The following ZNF423 variants were observed in gnomAD, a reference collection of about 807,000 sequenced individuals.
The protein encoded by ZNF423 is Ebf-associated zinc finger protein.
Under a neutral mutation model 95.8 loss-of-function variants are expected in ZNF423, and 12 were observed. The observed-to-expected ratio is 0.13, with a 90% CI of 0.08 to 0.20. The LOEUF (loss-of-function observed/expected upper bound fraction) is 0.20. Among genes scored for constraint, ZNF423 ranks in the 10% least tolerant of loss-of-function variants. The probability of loss-of-function intolerance (pLI) is 1.00; values close to 1 mark genes in which losing one functional copy is unlikely to be tolerated. For synonymous variants in ZNF423, 749 were observed against 711.9 expected (o/e 1.05, Z -0.83); for missense variants, 1,316 against 1,737.1 (o/e 0.76, Z 4.31).
intron 2 of ZNF423, among the ~76,000 whole-genome samples, chr16:49,778,272 C>A (rs1428438268): frequency 6.6e-6 from 1 of 152,210 alleles, no homozygotes; most frequent in Non-Finnish European, 1.5e-5. Flanking sequence ...ATGACAGCAG[C>A]CTAACCCCTG....
intron 1 of ZNF423, among the ~76,000 whole-genome samples, chr16:49,800,089 C>T (rs1505111): frequency 0.069 from 10,449 of 152,114 alleles, 401 homozygotes; most frequent in South Asian, 0.12. Flanking sequence ...ACAAAAAATG[C>T]AAAAATTAGC....
At position 49,785,668 on chromosome 16, in the gene ZNF423, C is replaced by A. The variant is rs1686258921; in HGVS notation, c.100+3819G>T. 3.3e-5 allele frequency among the ~76,000 whole-genome samples: 5 copies of A among 152,210 alleles called. No homozygotes were observed. The South Asian group carries it at 1.0e-3, about 31-fold the overall frequency. On this transcript the variant is annotated intron_variant, in intron 2 of 7. Transcript: ENST00000563137. ...AGAATTCTGGCAATTCATGGCCCAG[C>A]CAGCAGGAGCTGAGGGCCAGCCATC...
chr16:49,823,981 G>C (rs1311726922), intron 1 of ZNF423, among the ~76,000 whole-genome samples: 2 of 152,130 alleles, frequency 1.3e-5, no homozygotes, highest in African/African-American at 4.8e-5. Flanking sequence ...TGCTCAGGAG[G>C]CTGTGGGAAG....
At chr16:49,856,917 A>C (rs1227385745), upstream of ZNF423, among the ~76,000 whole-genome samples, 1 of 144,898 alleles carries the variant, frequency 6.9e-6, no homozygotes, top group Non-Finnish European at 1.5e-5. Flanking sequence ...GAGGACGAGC[A>C]GGCGGCGGCG....
In ZNF423 at chr16:49,833,017, G is replaced by A. The variant is rs946014673; in HGVS notation, c.40+22718C>T. 1.8e-4 allele frequency among the ~76,000 whole-genome samples: 27 copies of A among 152,314 alleles called. 1 individual carries two copies. The highest frequency in any genetic ancestry group is 6.5e-4 in the African/African-American group (27 of 41,564). ...ACACTCAGCCTCCAGCCTCCAGTTC[G>A]CAGCCTTCATCTAAAAGGTTGGAAG... On this transcript the variant is annotated intron_variant, in intron 1 of 7. Transcript: ENST00000563137.
At chr16:49,599,715 T>A (rs890672559) in intron 5 of ZNF423, among the ~76,000 whole-genome samples, 2 of 152,098 alleles carry the variant, frequency 1.3e-5, no homozygotes, top group Admixed American at 1.3e-4. Context: ...CACGGATGGA[T>A]CTCACCAACT....
chr16:49,615,406 T>A lies in ZNF423; in HGVS notation c.3601+10764A>T, dbSNP rs192426897. On this transcript the variant is annotated intron_variant, in intron 5 of 7. Transcript: ENST00000563137. ...AGCCTGTATTTTTAGTGGGTAAATC[T>A]GGACACCTAGAGGGGAAGGATGGGA... 1.3e-3 allele frequency among the ~76,000 whole-genome samples: 203 copies of A among 152,234 alleles called. 2 individuals are homozygous for A. Among genetic ancestry groups the A allele is most frequent in the Non-Finnish European group, 4.3e-4 (29 of 68,008 alleles).
chr16:49,807,393 G>A (rs1185065948), intron 1 of ZNF423, among the ~76,000 whole-genome samples: 1 of 151,742 alleles, frequency 6.6e-6, no homozygotes, highest in African/African-American at 2.4e-5. Context: ...ATAGCCCACT[G>A]CACTCCAGCC....
At chr16:49,778,568 CAAGCCATGCCTCACCAACCACGGTGAACA>C (rs2034159679) in intron 2 of ZNF423, among the ~76,000 whole-genome samples, 1 of 123,732 alleles carries the variant, frequency 8.1e-6, no homozygotes, top group Admixed American at 1.0e-4. Context: ...ACTTGGGAAA[CAAGCCATGCCTCACCAACCACGGTGAACA>C]AGAATGGTTC....
At chr16:49,609,939 G>GA (rs919087503) in intron 5 of ZNF423, among the ~76,000 whole-genome samples, 20 of 152,110 alleles carry the variant, frequency 1.3e-4, no homozygotes, top group African/African-American at 4.3e-4. Context: ...AGCAGCTGGA[G>GA]AAAAAATGAC....
chr16:49,651,123 C>T (rs572365753), intron 3 of ZNF423, among the ~76,000 whole-genome samples: 2 of 151,810 alleles, frequency 1.3e-5, no homozygotes, highest in East Asian at 1.9e-4. Flanking sequence ...TGGGCTCAAG[C>T]GATCCTCCTG....
intron 1 of ZNF423, among the ~76,000 whole-genome samples, chr16:49,795,672 C>A (rs553971130): frequency 6.6e-6 from 1 of 152,314 alleles, no homozygotes; most frequent in African/African-American, 2.4e-5. Context: ...GCCCCGCCCC[C>A]ACAGGGATGG....
chr16:49,491,389 G>A (rs1966955873), intron 7 of ZNF423, 85 bp from the exon 8 acceptor site: 17 of 1,542,270 alleles, frequency 1.1e-5, no homozygotes, highest in Non-Finnish European at 1.5e-5. Flanking sequence ...TTTACGCCGG[G>A]AGCCGCAGAA....
At chr16:49,677,065 G>A (rs1050191459) in intron 3 of ZNF423, among the ~76,000 whole-genome samples, 8 of 151,116 alleles carry the variant, frequency 5.3e-5, no homozygotes, top group African/African-American at 1.9e-4. Context: ...TAAAAATACA[G>A]AAATTACCCT....
In ZNF423 at chr16:49,759,339, C is replaced by T. The variant is rs181640160; in HGVS notation, c.101-28368G>A. Reference sequence around the variant, plus strand: ...GCTTGAACCCGGGAGGCGGAGGTTGCGGTGAGCCAAGATCGAGCCACTGCA... The same window carrying T: ...GCTTGAACCCGGGAGGCGGAGGTTGTGGTGAGCCAAGATCGAGCCACTGCA... On this transcript the variant is annotated intron_variant, in intron 2 of 7. Transcript: ENST00000563137. Among the ~76,000 whole-genome samples, 1,102 of 151,546 alleles carry T rather than the reference C, an allele frequency of 7.3e-3. 6 individuals carry two copies. Among genetic ancestry groups the T allele is most frequent in the Middle Eastern group, 0.021 (6 of 292 alleles).
intron 2 of ZNF423, among the ~76,000 whole-genome samples, chr16:49,760,591 C>T (rs1047775779): frequency 2.0e-5 from 3 of 152,178 alleles, no homozygotes; most frequent in Admixed American, 6.5e-5. Flanking sequence ...ATGGTCCTGC[C>T]GCCAAGGACC....
At chr16:49,647,072 A>G (rs563577289) in intron 3 of ZNF423, among the ~76,000 whole-genome samples, 1 of 152,318 alleles carries the variant, frequency 6.6e-6, no homozygotes, top group East Asian at 1.9e-4. Flanking sequence ...ACCAGGCTAC[A>G]CTGCTTCACC....
intron 3 of ZNF423, among the ~76,000 whole-genome samples, chr16:49,722,373 C>T (rs73573351): frequency 0.039 from 5,945 of 152,274 alleles, 381 homozygotes; most frequent in African/African-American, 0.14. Flanking sequence ...CTTAAGGACA[C>T]TAGAGAAGGA....
At chr16:49,530,673 C>T (rs958612608) in intron 5 of ZNF423, among the ~76,000 whole-genome samples, 2 of 152,162 alleles carry the variant, frequency 1.3e-5, no homozygotes, top group Non-Finnish European at 1.5e-5. Flanking sequence ...TCACAGGACT[C>T]GGCTTGTAAA....
Sources: gnomAD v4.1 joint callset for allele counts (sites outside exome capture counted in the v4.1 genomes callset) on GRCh38, gnomAD v4.1.1 for gene constraint, MANE v1.5 for transcripts, NCBI Gene and HGNC (gene_info 2026-07-23, HGNC 2026-07-21) for gene names.